The following MAP4K4 variants were observed in gnomAD, a reference collection of about 807,000 sequenced individuals.
MAP4K4 encodes the protein HPK/GCK-like kinase HGK.
In MAP4K4, 38 loss-of-function variants were observed where a neutral mutation model predicts 189.6. The observed-to-expected ratio is 0.20, with a 90% CI of 0.15 to 0.26. The LOEUF is 0.26. Among genes scored for constraint, MAP4K4 ranks in the 10% least tolerant of loss-of-function variants. MAP4K4 has a pLI of 1.00. For synonymous variants in MAP4K4, 610 were observed against 624.3 expected (o/e 0.98, Z 0.34); for missense variants, 1,054 against 1,726.9 (o/e 0.61, Z 6.91).
rs982434854 is a variant in MAP4K4 at position 101,740,214 on chromosome 2, C to T, written c.123+41676C>T. ...TGTCGCCCAGGCTGGAGTGCAGTGG[C>T]GGGATCTCGGCTCACTGCAAGCTCC... On this transcript the variant is annotated intron_variant, in intron 2 of 32. Coordinates refer to ENST00000324219, the Ensembl canonical transcript of MAP4K4. Among the ~76,000 whole-genome samples, 19 of 86,504 alleles carry T rather than the reference C, an allele frequency of 2.2e-4. 1 individual carries two copies. The highest frequency in any genetic ancestry group is 3.0e-4 in the Non-Finnish European group (17 of 56,714). 56.7% of individuals were successfully genotyped at this position (86,504 alleles called of 152,430 possible).
chr2:101,854,023 CTCT>C (rs925805410), intron 12 of MAP4K4, among the ~76,000 whole-genome samples: 9 of 151,970 alleles, frequency 5.9e-5, no homozygotes, highest in African/African-American at 1.9e-4. Context: ...TTCGTTTTGC[CTCT>C]TCTTCTCTCT....
intron 3 of MAP4K4, among the ~76,000 whole-genome samples, chr2:101,814,778 G>A (rs1181748448): frequency 2.6e-5 from 4 of 151,980 alleles, no homozygotes; most frequent in East Asian, 1.9e-4. Context: ...TTTTCTACTC[G>A]TGTACTGTGG....
At chr2:101,838,485 A>G (rs1454505766) in intron 9 of MAP4K4, among the ~76,000 whole-genome samples, 1 of 152,190 alleles carries the variant, frequency 6.6e-6, no homozygotes, top group African/African-American at 2.4e-5. Context: ...ATAACTCATT[A>G]TTCTCTAACA....
Position 101,867,205 on chromosome 2 carries a change from C to T in MAP4K4, c.2357-7C>T, listed in dbSNP as rs2097844325. ...TCTGTCCATCTTGTCCCTTTTGAAC[C>T]CAACAGCATCATCCAAGTCTGAAGG... On this transcript the variant is annotated splice_polypyrimidine_tract_variant and splice_region_variant and intron_variant, in intron 19 of 32. Coordinates refer to ENST00000324219, the Ensembl canonical transcript of MAP4K4. 1 of 1,580,002 alleles carries T rather than the reference C, an allele frequency of 6.3e-7. No homozygotes were observed. Among genetic ancestry groups the T allele is most frequent in the African/African-American group, 1.3e-5 (1 of 74,166 alleles).
intron 3 of MAP4K4, among the ~76,000 whole-genome samples, chr2:101,823,506 G>C (rs1448374681): frequency 6.6e-6 from 1 of 152,200 alleles, no homozygotes; most frequent in African/African-American, 2.4e-5. Context: ...GGACTTAAAT[G>C]GACCAGATGA....
intron 3 of MAP4K4, among the ~76,000 whole-genome samples, chr2:101,821,217 G>A (rs1487750910): frequency 1.3e-5 from 2 of 151,996 alleles, no homozygotes; most frequent in Non-Finnish European, 2.9e-5. Flanking sequence ...CAACTGTATT[G>A]GGTCATGTGA....
chr2:101,735,006 T>C (rs984249028), intron 2 of MAP4K4, among the ~76,000 whole-genome samples: 1 of 152,100 alleles, frequency 6.6e-6, no homozygotes, highest in Non-Finnish European at 1.5e-5. Flanking sequence ...CAGAAGACAA[T>C]GAAAATGCAC....
intron 27 of MAP4K4, among the ~76,000 whole-genome samples, chr2:101,881,360 C>A (rs2098384749): frequency 6.6e-6 from 1 of 152,114 alleles, no homozygotes; most frequent in South Asian, 2.1e-4. Context: ...ATAATTCTTG[C>A]TATAATTGCT....
At chr2:101,776,629 A>G (rs1383952561) in intron 2 of MAP4K4, among the ~76,000 whole-genome samples, 6 of 132,810 alleles carry the variant, frequency 4.5e-5, no homozygotes, top group Admixed American at 4.2e-4. Context: ...AATTTAGTCA[A>G]TGAATTACTA....
intron 2 of MAP4K4, among the ~76,000 whole-genome samples, chr2:101,748,001 A>G (rs1020063592): frequency 6.6e-6 from 1 of 152,244 alleles, no homozygotes; most frequent in African/African-American, 2.4e-5. Context: ...CTGATAAGCA[A>G]AATGACTTTT....
At chr2:101,795,038 T>C (rs2093530404) in intron 3 of MAP4K4, among the ~76,000 whole-genome samples, 1 of 152,182 alleles carries the variant, frequency 6.6e-6, no homozygotes, top group South Asian at 2.1e-4. Flanking sequence ...GGGTACTTCA[T>C]ATTGCCTCAC....
intron 2 of MAP4K4, among the ~76,000 whole-genome samples, chr2:101,708,399 C>A (rs868766185): frequency 6.6e-6 from 1 of 152,106 alleles, no homozygotes; most frequent in Non-Finnish European, 1.5e-5. Context: ...GTAAGCAGTG[C>A]GTAACCTCTG....
At chr2:101,752,026 T>G (rs1365000384) in intron 2 of MAP4K4, among the ~76,000 whole-genome samples, 2 of 151,874 alleles carry the variant, frequency 1.3e-5, no homozygotes, top group African/African-American at 4.8e-5. Context: ...ACCTCTGTGT[T>G]TGTAGGGTGA....
intron 2 of MAP4K4, among the ~76,000 whole-genome samples, chr2:101,782,588 C>G (rs2088222629): frequency 6.6e-6 from 1 of 152,118 alleles, no homozygotes; most frequent in Non-Finnish European, 1.5e-5. Flanking sequence ...TATAGGAGCC[C>G]TCTCACGTTA....
rs372887126 is a variant in MAP4K4 at position 101,861,024 on chromosome 2, A to G, written c.1866+38A>G. 25 of 1,549,140 alleles carry G rather than the reference A, an allele frequency of 1.6e-5. No homozygotes were observed. In the African/African-American group the frequency reaches 3.3e-4, roughly 20 times the overall value. On this transcript the variant is annotated intron_variant, in intron 16 of 32. Transcript: ENST00000324219. Reference sequence around the variant, plus strand: ...AGCTTTGCTGTGGTTGAGGAGACTCATGCAACGGCTCGCTGAGCCGCAGGC... The same window carrying G: ...AGCTTTGCTGTGGTTGAGGAGACTCGTGCAACGGCTCGCTGAGCCGCAGGC...
At chr2:101,798,103 G>A (rs1441355905) in intron 3 of MAP4K4, among the ~76,000 whole-genome samples, 1 of 150,736 alleles carries the variant, frequency 6.6e-6, no homozygotes, top group Admixed American at 6.6e-5. Flanking sequence ...TTGAGAGATG[G>A]GGTCTTATTG....
chr2:101,824,129 G>T, intron 4 of MAP4K4, 76 bp downstream of exon 4: 1 of 519,794 alleles, frequency 1.9e-6, no homozygotes. Context: ...GGTGGGGGCG[G>T]GGGAAAGAGG....
intron 3 of MAP4K4, among the ~76,000 whole-genome samples, chr2:101,793,070 C>T (rs552478178): frequency 3.0e-4 from 45 of 152,248 alleles, no homozygotes; most frequent in African/African-American, 1.1e-3. Flanking sequence ...GAGTTGTGTA[C>T]AAAAGGTATT....
intron 2 of MAP4K4, among the ~76,000 whole-genome samples, chr2:101,735,530 ACCTC>A: frequency 1.3e-5 from 2 of 152,060 alleles, no homozygotes; most frequent in East Asian, 3.9e-4. Context: ...TGGAGTAAAC[ACCTC>A]CCAGAATACT....
Sources: gnomAD v4.1 joint callset for allele counts (sites outside exome capture counted in the v4.1 genomes callset) on GRCh38, gnomAD v4.1.1 for gene constraint, MANE v1.5 for transcripts, NCBI Gene and HGNC (gene_info 2026-07-23, HGNC 2026-07-21) for gene names.